ZNF469: variants seen among roughly 807,000 people sequenced by gnomAD.
ZNF469 encodes zinc finger protein 469.
Under a neutral mutation model 1.0 loss-of-function variants are expected in ZNF469, and 1 was observed. That is an observed-to-expected ratio of 1.00 (90% confidence interval 0.35 to 4.73). ZNF469 has a LOEUF of 4.73. Ranked by LOEUF, ZNF469 falls within the 30% of genes most tolerant of loss-of-function variation. The pLI, the probability that ZNF469 is intolerant of heterozygous loss-of-function variation, is 0.16. For synonymous variants in ZNF469, 2,703 were observed against 2,363.4 expected (o/e 1.14, Z -4.17); for missense variants, 6,100 against 5,356.3 (o/e 1.14, Z -4.33).
At chr16:88,325,624 C>A in the ZNF469 span, among the ~76,000 whole-genome samples, 1 of 152,258 alleles carries the variant, frequency 6.6e-6, no homozygotes, top group African/African-American at 2.4e-5. Flanking sequence ...AGGGCCTCTG[C>A]CACTTAGGGC....
chr16:88,219,666 C>A, the ZNF469 span, among the ~76,000 whole-genome samples: 1 of 151,900 alleles, frequency 6.6e-6, no homozygotes, highest in Non-Finnish European at 1.5e-5. Flanking sequence ...CATAAAAACC[C>A]TAGAAGAAAA....
upstream of ZNF469, among the ~76,000 whole-genome samples, chr16:88,380,550 C>T (rs62652234): frequency 0.28 from 38,733 of 139,554 alleles, 8,967 homozygotes; most frequent in African/African-American, 0.61. Context: ...CTAACACAGA[C>T]ATGCACTCAC....
chr16:88,219,000 A>T, the ZNF469 span, among the ~76,000 whole-genome samples: 1 of 146,406 alleles, frequency 6.8e-6, no homozygotes, highest in Admixed American at 6.7e-5. Flanking sequence ...CCAAATCATG[A>T]GTGAACTCCC....
the ZNF469 span, among the ~76,000 whole-genome samples, chr16:88,165,763 C>T: frequency 6.6e-6 from 1 of 152,184 alleles, no homozygotes; most frequent in Admixed American, 6.5e-5. Flanking sequence ...TGTGTCCCCA[C>T]TACACCCCGA....
the ZNF469 span, among the ~76,000 whole-genome samples, chr16:88,266,220 T>A: frequency 6.6e-6 from 1 of 152,244 alleles, no homozygotes. Flanking sequence ...GCAGGGCCAC[T>A]GGGAGGCCGG....
chr16:88,322,636 T>A, the ZNF469 span, among the ~76,000 whole-genome samples: 3 of 152,168 alleles, frequency 2.0e-5, no homozygotes, highest in African/African-American at 7.2e-5. Flanking sequence ...CCTCGGAGAC[T>A]GTGTGGGACC....
chr16:88,381,083 C>T (rs2092522408), upstream of ZNF469, among the ~76,000 whole-genome samples: 1 of 149,388 alleles, frequency 6.7e-6, no homozygotes, highest in African/African-American at 2.5e-5. Context: ...TGCACTCACA[C>T]ACGCACTCAC....
Position 88,432,676 on chromosome 16 carries a change from G to C in ZNF469, c.5206G>C (p.Gly1736Arg). 1 of 1,550,410 alleles carries C rather than the reference G, an allele frequency of 6.4e-7. No individual in the cohort carries two copies. Among genetic ancestry groups the C allele is most frequent in the Non-Finnish European group, 8.7e-7 (1 of 1,146,990 alleles). The change falls in exon 3 of 3, where the codon GGG becomes CGG. Residue 1736 changes from glycine to arginine, a missense_variant. Gly to Arg is a moderately radical substitution (Grantham distance 125). Coordinates refer to ENST00000565624, the MANE Select transcript of ZNF469 (RefSeq NM_001367624.2). ...GCAGCCTGGCCCACAGCTGGATGCC[G>C]GGAGTTTAGCAAAGTGCAGCCCCGA... ...SKQPGPQLDA[G>R]SLAKCSPDQE...
upstream of ZNF469, among the ~76,000 whole-genome samples, chr16:88,381,205 G>GAC (rs140845577): frequency 0.48 from 47,184 of 98,762 alleles, 10,116 homozygotes; most frequent in East Asian, 0.68. Context: ...TGCATTCACA[G>GAC]ACACACACAC....
chr16:88,162,770 TCA>T, the ZNF469 span, among the ~76,000 whole-genome samples: 5 of 152,208 alleles, frequency 3.3e-5, no homozygotes, highest in Admixed American at 6.5e-5. Context: ...ATTATTTTGT[TCA>T]CTTTCCTTGC....
chr16:88,185,720 A>C, the ZNF469 span, among the ~76,000 whole-genome samples: 17 of 147,024 alleles, frequency 1.2e-4, no homozygotes, highest in African/African-American at 4.3e-4. Context: ...TGAATATAGT[A>C]CATGCATACA....
In ZNF469 at chr16:88,433,648, T is replaced by A. The variant is rs1597211061; in HGVS notation, c.6178T>A (p.Ser2060Thr). Residue 2060 changes from serine (S) to threonine (T), a missense_variant, in exon 3 of 3, where the codon TCC (serine) becomes ACC (threonine). Coordinates refer to ENST00000565624, the MANE Select transcript of ZNF469 (RefSeq NM_001367624.2). The part of the protein sequence containing the change: ...EEAEPTPSPP[S>T]PNRESLALAL... Reference sequence around the variant, plus strand: ...GGCCGAGCCCACCCCAAGCCCCCCGTCCCCTAATAGGGAGTCCCTGGCGCT... The same window carrying A: ...GGCCGAGCCCACCCCAAGCCCCCCGACCCCTAATAGGGAGTCCCTGGCGCT... 7 of 1,550,042 alleles carry A rather than the reference T, an allele frequency of 4.5e-6. No homozygotes were observed. The East Asian group carries it at 1.7e-4, about 38-fold the overall frequency.
In ZNF469 at chr16:88,433,331, C is replaced by T; in HGVS notation, c.5861C>T (p.Pro1954Leu). 6.5e-7 allele frequency: 1 copy of T among 1,550,324 alleles called. No homozygotes were observed. The highest frequency in any genetic ancestry group is 8.7e-7 in the Non-Finnish European group (1 of 1,146,926). Residue 1954 changes from proline to leucine, a missense_variant, in exon 3 of 3, where the codon CCC becomes CTC. By Grantham distance (98) the Pro-to-Leu change is moderately conservative (BLOSUM62 -3). Transcript: ENST00000565624. The stretch of plus-strand genomic sequence containing the variant: ...GAAGGAGGGAAGGTGGCCTGTGGCC[C>T]CGCCCAGGGCTCCCCAGGGGGTGTG... The part of the protein sequence containing the change: ...TVEGGKVACG[P>L]AQGSPGGVQV...
At chr16:88,217,445 T>TA in the ZNF469 span, among the ~76,000 whole-genome samples, 2 of 152,154 alleles carry the variant, frequency 1.3e-5, no homozygotes, top group African/African-American at 2.4e-5. Flanking sequence ...TTTCTTTTTT[T>TA]TTATTATTAT....
chr16:88,136,632 A>G, the ZNF469 span, among the ~76,000 whole-genome samples: 20 of 152,364 alleles, frequency 1.3e-4, no homozygotes, highest in Middle Eastern at 3.4e-3. Flanking sequence ...CATTTTGCTA[A>G]TTACTCAAAG....
chr16:88,321,587 A>C, the ZNF469 span, among the ~76,000 whole-genome samples: 1 of 151,314 alleles, frequency 6.6e-6, no homozygotes, highest in Non-Finnish European at 1.5e-5. Context: ...TCTGCTCATA[A>C]GGCCTTACCT....
At chr16:88,223,941 G>A in the ZNF469 span, among the ~76,000 whole-genome samples, 365 of 152,368 alleles carry the variant, frequency 2.4e-3, 1 homozygote, top group African/African-American at 8.1e-3. Flanking sequence ...AACATGTGCC[G>A]AATGAACGAG....
intron 1 of ZNF469, among the ~76,000 whole-genome samples, chr16:88,412,292 C>A (rs1905193291): frequency 6.6e-6 from 1 of 152,250 alleles, no homozygotes; most frequent in Non-Finnish European, 1.5e-5. Flanking sequence ...CCACCCAGTG[C>A]CCACCTTCCC....
the ZNF469 span, among the ~76,000 whole-genome samples, chr16:88,131,521 A>T: frequency 7.6e-3 from 1,088 of 143,486 alleles, no homozygotes; most frequent in African/African-American, 0.028. Context: ...CCGGGGGCCC[A>T]GGCCTTCTCC....
Sources: allele counts gnomAD v4.1 joint callset (sites outside exome capture counted in the v4.1 genomes callset), GRCh38; gene constraint gnomAD v4.1.1; transcripts MANE v1.5; gene names NCBI Gene and HGNC (gene_info 2026-07-23, HGNC 2026-07-21).